RNF217: variants seen among roughly 807,000 people sequenced by gnomAD.
RNF217 encodes the protein E3 ubiquitin-protein ligase RNF217.
RNF217 carries 31 observed loss-of-function variants against 57.8 expected under a neutral mutation model. That is an observed-to-expected ratio of 0.54 (90% confidence interval 0.40 to 0.72). The LOEUF is 0.72. Ranked by LOEUF, RNF217 falls within the 30% of genes least tolerant of loss-of-function variation. RNF217 has a pLI of 0.00. For synonymous variants in RNF217, 313 were observed against 294.0 expected, an observed-to-expected ratio of 1.06 and a Z score of -0.66; for missense variants, 696 against 708.3, an observed-to-expected ratio of 0.98 and a Z score of 0.20.
intron 3 of RNF217, among the ~76,000 whole-genome samples, chr6:125,074,296 G>GATA (rs1460371930): frequency 1.5e-4 from 19 of 130,744 alleles, no homozygotes; most frequent in Non-Finnish European, 2.1e-4. Flanking sequence ...ACAGAAGATA[G>GATA]GTAGATAGAT....
Position 124,962,901 on chromosome 6 carries a change from G to A in RNF217, c.357G>A (p.Glu119=), listed in dbSNP as rs1456160129. The change falls in exon 1 of 6, where the codon GAG becomes GAA. Residue 119 remains glutamate (E), a synonymous_variant. Transcript: ENST00000521654. This position sits in a 1 kb window ranked among gnomAD's most constrained non-coding sequence, Gnocchi z 4.6. ...AGGAGGAAGCTGGGGATCGAAAAGA[G>A]GGAGGGGATGAACAGCAGGAGGCGC... ...EEEEEAGDRK[E]GGDEQQEAPP... is the part of the protein sequence containing the mutation. The A allele has an allele frequency of 1.3e-6, 2 of 1,598,118 alleles. No homozygotes were observed. Among genetic ancestry groups the A allele is most frequent in the South Asian group, 1.1e-5 (1 of 91,086 alleles).
In RNF217 at chr6:125,045,299, A is replaced by T. The variant is rs1196507470; in HGVS notation, c.971A>T (p.His324Leu). 9 of 1,613,446 alleles carry T rather than the reference A, an allele frequency of 5.6e-6. No homozygotes were observed. Among genetic ancestry groups the T allele is most frequent in the Non-Finnish European group, 6.8e-6 (8 of 1,179,592 alleles). Residue 324 changes from histidine (H) to leucine (L), a missense_variant, in exon 2 of 6, where the codon CAT becomes CTT. Physicochemically the swap from His to Leu is moderately conservative, Grantham distance 99 (BLOSUM62 -3). Coordinates refer to ENST00000521654, the MANE Select transcript of RNF217 (RefSeq NM_001286398.3). Reference protein sequence around the residue: ...EETTVVYNLTHEDSIKYKYFL... With the variant: ...EETTVVYNLTLEDSIKYKYFL... Reference sequence around the variant, plus strand: ...ACAACTGTTGTCTATAACTTAACGCATGAAGACTCCATCAAGTATAAGTAC... The same window carrying T: ...ACAACTGTTGTCTATAACTTAACGCTTGAAGACTCCATCAAGTATAAGTAC...
intron 1 of RNF217, among the ~76,000 whole-genome samples, chr6:124,976,832 A>C (rs1006442261): frequency 1.3e-5 from 2 of 152,180 alleles, no homozygotes; most frequent in Admixed American, 1.3e-4. Context: ...CAACCAGAAT[A>C]GATAACCCTT....
intron 1 of RNF217, chr6:125,006,294 G>A (rs1785176624): frequency 6.6e-6 from 1 of 152,180 alleles, no homozygotes; most frequent in Non-Finnish European, 1.5e-5. Flanking sequence ...CAGGAGCTGA[G>A]AAATTTCCAT....
chr6:125,049,353 T>C (rs1787221662), intron 2 of RNF217, among the ~76,000 whole-genome samples: 1 of 152,062 alleles, frequency 6.6e-6, no homozygotes, highest in East Asian at 1.9e-4. Flanking sequence ...GGAGTCCAGG[T>C]CCAAGTTTAC....
intron 1 of RNF217, among the ~76,000 whole-genome samples, chr6:124,979,954 T>C (rs1393114253): frequency 6.6e-6 from 1 of 152,126 alleles, no homozygotes; most frequent in African/African-American, 2.4e-5. Flanking sequence ...CTTTAAAAAG[T>C]GTTGGAAGTG....
At chr6:124,970,315 T>C (rs1783717676) in intron 1 of RNF217, among the ~76,000 whole-genome samples, 1 of 152,132 alleles carries the variant, frequency 6.6e-6, no homozygotes, top group African/African-American at 2.4e-5. Context: ...ACAATACAGT[T>C]CAGACTAGAG....
chr6:124,998,901 A>G (rs13209472), intron 1 of RNF217, among the ~76,000 whole-genome samples: 38,913 of 152,144 alleles, frequency 0.26, 5,373 homozygotes, highest in African/African-American at 0.35. Context: ...ACTTTGGTCC[A>G]GAACAATGCC....
Position 125,087,936 on chromosome 6 carries a change from T to G in RNF217, c.*4999T>G, listed in dbSNP as rs1044803203. 3.3e-5 allele frequency: 5 copies of G among 151,916 alleles called. No individual in the cohort carries two copies. The highest frequency in any genetic ancestry group is 7.4e-5 in the Non-Finnish European group (5 of 67,966). The allele number at this position is 151,916 out of a possible 1,614,324, so 9.4% of individuals were successfully genotyped here. ...ACCAGTTTTGCACACCAATCCCAAG[T>G]TTAAGCATATTTTGTATTTAAAGTT... On this transcript the variant is annotated 3_prime_UTR_variant, in exon 6 of 6. Coordinates refer to ENST00000521654, the MANE Select transcript of RNF217 (RefSeq NM_001286398.3).
intron 1 of RNF217, among the ~76,000 whole-genome samples, chr6:124,970,124 A>G (rs1254858159): frequency 6.6e-6 from 1 of 152,222 alleles, no homozygotes; most frequent in African/African-American, 2.4e-5. Flanking sequence ...GATTAAGCCC[A>G]TCAGGTATCT....
rs986390089 is a variant in RNF217, at chr6:125,081,375, T to C, written c.1484-61T>C. On this transcript the variant is annotated intron_variant, in intron 4 of 5. Transcript: ENST00000521654. ...CACTGTGGTATTTAAAAAGCATCAC[T>C]GTAATTATTTGGTAGGTTAGTTTTA... 7 of 1,237,276 alleles carry C rather than the reference T, an allele frequency of 5.7e-6. No homozygotes were observed. In the African/African-American group the frequency reaches 1.0e-4, roughly 18 times the overall value. The allele number at this position is 1,237,276 out of a possible 1,614,324, so 76.6% of individuals were successfully genotyped here.
At chr6:125,080,565 T>C (rs1788537571) in intron 4 of RNF217, among the ~76,000 whole-genome samples, 1 of 152,048 alleles carries the variant, frequency 6.6e-6, no homozygotes, top group African/African-American at 2.4e-5. Context: ...TTATTGCATT[T>C]GAGTTGTGCG....
At chr6:125,023,216 A>G (rs1785916953) in intron 1 of RNF217, among the ~76,000 whole-genome samples, 1 of 152,148 alleles carries the variant, frequency 6.6e-6, no homozygotes, top group Non-Finnish European at 1.5e-5. Context: ...AGCAAGAAAA[A>G]TATGTGTAAA....
At chr6:124,972,788 A>G (rs900441740) in intron 1 of RNF217, among the ~76,000 whole-genome samples, 1 of 152,054 alleles carries the variant, frequency 6.6e-6, no homozygotes, top group Non-Finnish European at 1.5e-5. Context: ...GACCCCCTAT[A>G]TCTAGATTAA....
At chr6:125,066,299 G>T (rs183231633) in intron 3 of RNF217, among the ~76,000 whole-genome samples, 1 of 152,108 alleles carries the variant, frequency 6.6e-6, no homozygotes, top group Non-Finnish European at 1.5e-5. Context: ...ATTGTCTGTG[G>T]TTCCTATCTG....
At position 125,091,222 on chromosome 6, in the gene RNF217, CTG is replaced by C. The variant is rs1788939803; in HGVS notation, c.*8286_*8287del. 1.3e-5 allele frequency: 2 copies of C among 152,050 alleles called. No homozygotes were observed. Among genetic ancestry groups the C allele is most frequent in the African/African-American group, 4.8e-5 (2 of 41,440 alleles). 9.4% of individuals were successfully genotyped at this position (152,050 alleles called of 1,614,324 possible). A position where few individuals can be genotyped will look rare whatever the true frequency, so the allele number is the denominator to read the frequency against. On this transcript the variant is annotated 3_prime_UTR_variant, in exon 6 of 6. Coordinates refer to ENST00000521654, the MANE Select transcript of RNF217 (RefSeq NM_001286398.3). ...AGTTGGTGAATAAAAGCCAGGGAAA[CTG>C]GGTTTATTCTCATTTTCCAATAGCA...
rs114218180 is a variant in RNF217, at chr6:125,023,107, C to T, written c.883-22104C>T. ...TGACAGGAATAAGCACAGGTTGCTA[C>T]AGGAGCAAGTCTTGTTAAGGATCAC... On this transcript the variant is annotated intron_variant, in intron 1 of 5. Transcript: ENST00000521654. 9.7e-4 allele frequency among the ~76,000 whole-genome samples: 148 copies of T among 152,262 alleles called. 2 individuals carry two copies. The highest frequency in any genetic ancestry group is 3.4e-3 in the African/African-American group (141 of 41,554).
At chr6:124,981,993 A>C (rs1167107843) in intron 1 of RNF217, among the ~76,000 whole-genome samples, 1 of 139,584 alleles carries the variant, frequency 7.2e-6, no homozygotes, top group Non-Finnish European at 1.5e-5. Flanking sequence ...GCGCCGCTGC[A>C]CTCCATCCTG....
chr6:124,962,961 G>T lies in RNF217; in HGVS notation c.417G>T (p.Val139=). 1 of 1,597,280 alleles carries T rather than the reference G, an allele frequency of 6.3e-7. No homozygotes were observed. The highest frequency in any genetic ancestry group is 8.5e-7 in the Non-Finnish European group (1 of 1,179,380). The change falls in exon 1 of 6, where the codon GTG becomes GTT. Residue 139 remains valine, a synonymous_variant. Transcript: ENST00000521654. The surrounding 1 kb of genome is among the most constrained non-coding windows in gnomAD (Gnocchi z 4.6). ...AAGAGCTGGAGCCCAGGACCCGCGT[G>T]GGGGCCGCCGACGGACTGGTCCTGG... ...PGEELEPRTR[V]GAADGLVLDV...
Sources: allele counts gnomAD v4.1 joint callset (sites outside exome capture counted in the v4.1 genomes callset), GRCh38; gene constraint gnomAD v4.1.1; non-coding constraint Gnocchi (gnomAD v3.1); transcripts MANE v1.5; gene names NCBI Gene and HGNC (gene_info 2026-07-23, HGNC 2026-07-21).